Variants in PDCL3 observed in about 807,000 individuals in gnomAD.
PDCL3 encodes phosducin-like protein 3.
A neutral mutation model predicts 26.5 loss-of-function variants in PDCL3; 22 were observed. The ratio of observed to expected loss-of-function variants is 0.83; its 90% CI spans 0.59 to 1.19. PDCL3 has a LOEUF of 1.19. Among genes scored for constraint, PDCL3 ranks in the 50% most tolerant of loss-of-function variants. The pLI is 0.00. For synonymous variants in PDCL3, 81 were observed against 104.9 expected, an observed-to-expected ratio of 0.77 and a Z score of 1.39; for missense variants, 246 against 294.1, an observed-to-expected ratio of 0.84 and a Z score of 1.20.
chr2:100,563,285 C>A, intron 1 of PDCL3: 2 of 521,542 alleles, frequency 3.8e-6, no homozygotes, highest in Non-Finnish European at 6.6e-6. Flanking sequence ...CTCGGTGTGC[C>A]GGGTCCCCCA....
At chr2:100,573,511 T>A (rs926828148) in intron 5 of PDCL3, among the ~76,000 whole-genome samples, 1 of 151,744 alleles carries the variant, frequency 6.6e-6, no homozygotes, top group Non-Finnish European at 1.5e-5. Flanking sequence ...CTGTCTCTAC[T>A]GAAAATACAA....
chr2:100,568,112 G>A (rs1209588522), intron 2 of PDCL3, among the ~76,000 whole-genome samples: 3 of 152,186 alleles, frequency 2.0e-5, no homozygotes, highest in South Asian at 4.1e-4. Flanking sequence ...ACTGCACCCA[G>A]CCAAGGGATG....
chr2:100,563,134 C>T (rs1674981425), intron 1 of PDCL3, 61 bp downstream of exon 1: 5 of 1,555,450 alleles, frequency 3.2e-6, no homozygotes, highest in Non-Finnish European at 3.5e-6. Context: ...TCGTTAGGCC[C>T]GGGCGGGCAG....
intron 2 of PDCL3, among the ~76,000 whole-genome samples, chr2:100,566,955 TTTA>T (rs1675071839): frequency 6.6e-6 from 1 of 152,242 alleles, no homozygotes; most frequent in African/African-American, 2.4e-5. Flanking sequence ...GAGCATATAC[TTTA>T]TTTTCTGTGG....
Position 100,576,562 on chromosome 2 carries a change from A to G in PDCL3, c.*66A>G. ...ATTGTCTGGATTTTTTAAAAAAGGAAAAAGCAAGAATGAATCCTTGTGGTT... is the reference window on the plus strand; with the variant it reads ...ATTGTCTGGATTTTTTAAAAAAGGAGAAAGCAAGAATGAATCCTTGTGGTT... On this transcript the variant is annotated 3_prime_UTR_variant, in exon 6 of 6. Coordinates refer to ENST00000264254, the MANE Select transcript of PDCL3 (RefSeq NM_024065.5). 2 of 1,430,484 alleles carry G rather than the reference A, an allele frequency of 1.4e-6. No individual in the cohort carries two copies. The highest frequency in any genetic ancestry group is 5.2e-5 in the East Asian group (2 of 38,526). The allele number at this position is 1,430,484 out of a possible 1,614,324, so 88.6% of individuals were successfully genotyped here.
chr2:100,571,623 C>T lies in PDCL3; in HGVS notation c.402C>T (p.Leu134=), dbSNP rs1431893556. The T allele has an allele frequency of 6.2e-7, 1 of 1,613,060 alleles. No individual in the cohort carries two copies. Among genetic ancestry groups the T allele is most frequent in the South Asian group, 1.1e-5 (1 of 91,082 alleles). ...TCTGTGCCCTGATAAATCAGCACCT[C>T]AGTGGACTTGCCAGGAAGTTTCCTG... ...IPLCALINQH[L]SGLARKFPDV... Residue 134 remains leucine, a synonymous_variant, in exon 5 of 6, where the codon CTC becomes CTT. Coordinates refer to ENST00000264254, the MANE Select transcript of PDCL3 (RefSeq NM_024065.5).
chr2:100,574,003 A>G (rs1325911827), intron 5 of PDCL3, among the ~76,000 whole-genome samples: 3 of 151,996 alleles, frequency 2.0e-5, no homozygotes, highest in Non-Finnish European at 4.4e-5. Context: ...AGAGAGATAT[A>G]TATATTTTTT....
intron 1 of PDCL3, 119 bp from the exon 2 acceptor site, chr2:100,566,384 T>C: frequency 7.8e-7 from 1 of 1,289,800 alleles, no homozygotes; most frequent in Non-Finnish European, 1.1e-6. Flanking sequence ...TCAGAAATAG[T>C]TCACAGACTG....
intron 1 of PDCL3, among the ~76,000 whole-genome samples, chr2:100,563,792 C>T (rs982994226): frequency 6.6e-6 from 1 of 151,964 alleles, no homozygotes; most frequent in African/African-American, 2.4e-5. Context: ...CCAAAGATCC[C>T]GCAGTGGTCA....
chr2:100,575,396 A>G (rs563820775), intron 5 of PDCL3, among the ~76,000 whole-genome samples: 18 of 152,150 alleles, frequency 1.2e-4, no homozygotes, highest in Non-Finnish European at 7.3e-5. Context: ...TGGCCTCCCA[A>G]AGTGCTGGGA....
chr2:100,570,705 T>C (rs1295500717), intron 4 of PDCL3, among the ~76,000 whole-genome samples: 2 of 152,040 alleles, frequency 1.3e-5, no homozygotes, highest in Non-Finnish European at 2.9e-5. Flanking sequence ...CTTGAACTCC[T>C]GACCTCATGA....
chr2:100,563,104 C>T, intron 1 of PDCL3, 31 bp downstream of exon 1: 1 of 1,593,728 alleles, frequency 6.3e-7, no homozygotes, highest in Non-Finnish European at 8.5e-7. Flanking sequence ...GGTCTGGGGG[C>T]TGCGGCCCGT....
At position 100,571,587 on chromosome 2, in the gene PDCL3, T is replaced by C. The variant is rs752642015; in HGVS notation, c.369-3T>C. ...GCTTCTGTTTTCTATGTGTGTTTTA[T>C]AGAATTCCCCTCTGTGCCCTGATAA... On this transcript the variant is annotated splice_region_variant and splice_polypyrimidine_tract_variant and intron_variant, in intron 4 of 5. Transcript: ENST00000264254. 2.5e-6 allele frequency: 4 copies of C among 1,612,200 alleles called. No homozygotes were observed. Among genetic ancestry groups the C allele is most frequent in the East Asian group, 2.2e-5 (1 of 44,890 alleles).
chr2:100,567,977 C>A (rs1355243194), intron 2 of PDCL3, among the ~76,000 whole-genome samples: 1 of 152,140 alleles, frequency 6.6e-6, no homozygotes, highest in Admixed American at 6.6e-5. Context: ...CATGTGCCAC[C>A]ACGCCTAGGT....
At chr2:100,563,116 C>G in intron 1 of PDCL3, 43 bp downstream of exon 1, 1 of 1,584,468 alleles carries the variant, frequency 6.3e-7, no homozygotes, top group Non-Finnish European at 8.6e-7. Context: ...GCGGCCCGTT[C>G]CTTTGTCTCG....
At chr2:100,567,135 C>G (rs925787471) in intron 2 of PDCL3, among the ~76,000 whole-genome samples, 1 of 152,092 alleles carries the variant, frequency 6.6e-6, no homozygotes, top group Admixed American at 6.5e-5. Context: ...GAAGCAGTCT[C>G]TGGAATGAGG....
At chr2:100,564,990 C>T (rs912933918) in intron 1 of PDCL3, among the ~76,000 whole-genome samples, 9 of 152,188 alleles carry the variant, frequency 5.9e-5, no homozygotes, top group African/African-American at 2.2e-4. Context: ...CAGGTTTGGC[C>T]ATTAGAGAAT....
chr2:100,563,084 A>G lies in PDCL3; in HGVS notation c.6+11A>G. 6.2e-7 allele frequency: 1 copy of G among 1,603,152 alleles called. No homozygotes were observed. Among genetic ancestry groups the G allele is most frequent in the Non-Finnish European group, 8.5e-7 (1 of 1,175,400 alleles). On this transcript the variant is annotated intron_variant, in intron 1 of 5. Coordinates refer to ENST00000264254, the MANE Select transcript of PDCL3 (RefSeq NM_024065.5). ...GGAAACAAGATGCAGGTGAGCTAGGACGGGTCTCGGGTCTGGGGGCTGCGG... is the reference window on the plus strand; with the variant it reads ...GGAAACAAGATGCAGGTGAGCTAGGGCGGGTCTCGGGTCTGGGGGCTGCGG...
chr2:100,568,863 A>G (rs1675106652), intron 2 of PDCL3, 68 bp from the exon 3 acceptor site: 2 of 1,342,514 alleles, frequency 1.5e-6, no homozygotes, highest in Non-Finnish European at 2.1e-6. Context: ...AAGAGAGGGG[A>G]AAAAAGAAAA....
Sources: gnomAD v4.1 joint callset for allele counts (sites outside exome capture counted in the v4.1 genomes callset) on GRCh38, gnomAD v4.1.1 for gene constraint, MANE v1.5 for transcripts, NCBI Gene and HGNC (gene_info 2026-07-23, HGNC 2026-07-21) for gene names.